TRPM5: variants seen among roughly 807,000 people sequenced by gnomAD.
The protein encoded by TRPM5 is MLSN1 and TRP-related.
Under a neutral mutation model 124.9 loss-of-function variants are expected in TRPM5, and 121 were observed. The observed-to-expected ratio is 0.97, with a 90% confidence interval of 0.84 to 1.13. TRPM5 has a LOEUF of 1.13. Among genes scored for constraint, TRPM5 ranks in the 50% most tolerant of loss-of-function variants. The pLI is 0.00. For missense variants in TRPM5, 1,643 were observed against 1,589.1 expected (o/e 1.03, Z -0.58); for synonymous variants, 781 against 700.5 (o/e 1.11, Z -1.81).
chr11:2,417,708 C>CCCCCCCCCCCCCCCCCCCCATT lies in TRPM5; in HGVS notation c.1009+18_1009+19insAATGGGGGGGGGGGGGGGGGGG. ...AGCCCCCCAATGGCGCCTGCCTTGCCCACCCTGCCCGCCCTCACCTTTCAC... is the reference window on the plus strand; with the variant it reads ...AGCCCCCCAATGGCGCCTGCCTTGCCCCCCCCCCCCCCCCCCCCCATTCACCCTGCCCGCCCTCACCTTTCAC... On this transcript the variant is annotated intron_variant, in intron 7 of 23. Coordinates refer to ENST00000155858, the Ensembl canonical transcript of TRPM5. 2.0e-6 allele frequency: 1 copy of CCCCCCCCCCCCCCCCCCCCATT among 505,092 alleles called. No homozygotes were observed. The allele number at this position is 505,092 out of a possible 1,614,324, so 31.3% of individuals were successfully genotyped here.
chr11:2,434,726 G>T, the TRPM5 span, among the ~76,000 whole-genome samples: 1 of 152,072 alleles, frequency 6.6e-6, no homozygotes, highest in African/African-American at 2.4e-5. Flanking sequence ...GACACTGTGT[G>T]TGTGTGTCTG....
intron 14 of TRPM5, 43 bp from the exon 20 acceptor site, chr11:2,413,055 C>T: frequency 6.4e-7 from 1 of 1,559,948 alleles, no homozygotes; most frequent in South Asian, 1.2e-5. Flanking sequence ...TGGCGCCCAG[C>T]CGGGTGCCCC....
chr11:2,442,145 C>G, the TRPM5 span, among the ~76,000 whole-genome samples: 1 of 152,132 alleles, frequency 6.6e-6, no homozygotes. This position sits in a 1 kb window ranked among gnomAD's most constrained non-coding sequence, Gnocchi z 5.9. Context: ...GTGTTTTCAT[C>G]CATGACTCTT....
chr11:2,405,898 C>G, intron 22 of TRPM5, 121 bp downstream of exon 27: 1 of 942,192 alleles, frequency 1.1e-6, no homozygotes, highest in Non-Finnish European at 1.6e-6. Context: ...TGGGGTGCTC[C>G]TGTCCTGGCT....
chr11:2,437,628 C>A, the TRPM5 span, among the ~76,000 whole-genome samples: 1 of 152,098 alleles, frequency 6.6e-6, no homozygotes, highest in African/African-American at 2.4e-5. This position sits in a 1 kb window ranked among gnomAD's most constrained non-coding sequence, Gnocchi z 5.6. Flanking sequence ...ACTTGGGGAC[C>A]CTCAGGACAT....
chr11:2,406,070 G>T lies in TRPM5; in HGVS notation c.3273C>A (p.Tyr1091Ter). ...TTTCTTGCTCTCTCAGACCCCCGAG[G>T]TACTTGGCAATGAAGTCCACTCTGC... The change falls in exon 22 of 24, where the codon TAC becomes TAA. Residue 1091 changes from tyrosine (Y) to a stop codon, truncating the protein, a stop_gained. Coordinates refer to ENST00000155858, the Ensembl canonical transcript of TRPM5. LOFTEE classifies it high-confidence loss of function. The T allele has an allele frequency of 1.2e-6, 2 of 1,612,172 alleles. No individual in the cohort carries two copies. Among genetic ancestry groups the T allele is most frequent in the Non-Finnish European group, 1.7e-6 (2 of 1,179,972 alleles).
At chr11:2,406,130 G>A (rs751376002) in intron 21 of TRPM5, 39 bp from the exon 27 acceptor site, 67 of 1,605,668 alleles carry the variant, frequency 4.2e-5, no homozygotes, top group Admixed American at 1.2e-4. Flanking sequence ...GGATGGCCAC[G>A]CGGTGCTCTG....
intron 18 of TRPM5, chr11:2,410,732 G>C (rs1039884449): frequency 2.2e-6 from 1 of 454,690 alleles, no homozygotes. Context: ...AGCTACAGGG[G>C]TCGGCCTGGG....
At chr11:2,422,396 A>C in intron 1 of TRPM5, 75 bp from the exon 7 acceptor site, 3 of 949,650 alleles carry the variant, frequency 3.2e-6, no homozygotes, top group Non-Finnish European at 2.9e-6. Flanking sequence ...GGGGGGCTGG[A>C]CACAAGGGGG....
chr11:2,409,468 G>T (rs188762686), intron 18 of TRPM5, among the ~76,000 whole-genome samples: 1 of 152,332 alleles, frequency 6.6e-6, no homozygotes, highest in Admixed American at 6.5e-5. Context: ...GGGGCCTGGA[G>T]ACCCAGAGAA....
Position 2,415,411 on chromosome 11 carries a change from G to T in TRPM5, c.1189C>A (p.Arg397Ser). ...TCTGCGCCGTTGTCCACAAAGAGGC[G>T]CACAAACTCGGGCTTGTTGCTGACC... The change falls in exon 9 of 24, where the codon CGC becomes AGC. Residue 397 changes from arginine to serine, a missense_variant. Physicochemically the swap from Arg to Ser is moderately radical, Grantham distance 110. Coordinates refer to ENST00000155858, the Ensembl canonical transcript of TRPM5. 2.5e-6 allele frequency: 4 copies of T among 1,593,242 alleles called. No homozygotes were observed. In the South Asian group the frequency reaches 4.4e-5, roughly 18 times the overall value.
At chr11:2,418,791 A>G (rs1024511390) in intron 4 of TRPM5, among the ~76,000 whole-genome samples, 200 bp from the exon 10 acceptor site, 9 of 152,114 alleles carry the variant, frequency 5.9e-5, no homozygotes, top group African/African-American at 1.7e-4. Flanking sequence ...GCTAACCTAC[A>G]CTACCCAGCA....
At chr11:2,414,274 T>A (rs936055773) in intron 11 of TRPM5, 68 bp from the exon 17 acceptor site, 47 of 1,527,580 alleles carry the variant, frequency 3.1e-5, no homozygotes, top group Non-Finnish European at 4.0e-5. Flanking sequence ...ACGCCCCTCC[T>A]CCATCCCCTG....
chr11:2,422,470 C>T, intron 1 of TRPM5, 149 bp from the exon 7 acceptor site: 1 of 546,344 alleles, frequency 1.8e-6, no homozygotes, highest in South Asian at 2.6e-5. Context: ...ATCAAGGGGG[C>T]TGGACACAGG....
chr11:2,407,811 AGGTGACCAGCAGGAG>A (rs1484827965), exon 19 of TRPM5: 16 of 1,613,828 alleles, frequency 9.9e-6, no homozygotes, highest in Non-Finnish European at 1.4e-5. Context: ...ACCAACAGGA[AGGTGACCAGCAGGAG>A]GATGACCAGC....
chr11:2,440,780 A>G, the TRPM5 span, among the ~76,000 whole-genome samples: 1 of 152,226 alleles, frequency 6.6e-6, no homozygotes, highest in Non-Finnish European at 1.5e-5. The surrounding 1 kb of genome is among the most constrained non-coding windows in gnomAD (Gnocchi z 5.2). Flanking sequence ...ATGAATAGGT[A>G]GGAAGACTAC....
At chr11:2,414,865 C>T (rs750805919) in intron 10 of TRPM5, 27 bp from the exon 16 acceptor site, 26 of 1,591,078 alleles carry the variant, frequency 1.6e-5, no homozygotes, top group South Asian at 2.3e-5. Flanking sequence ...CAGGAGGCCG[C>T]CCCTCCCCTG....
exon 20 of TRPM5, chr11:2,407,178 A>G (rs1850340985): frequency 1.9e-6 from 3 of 1,611,294 alleles, no homozygotes; most frequent in Non-Finnish European, 2.5e-6. Flanking sequence ...CGTCAGGCTC[A>G]GGTGGCTGAG....
the TRPM5 span, among the ~76,000 whole-genome samples, chr11:2,440,650 T>G: frequency 3.3e-5 from 5 of 152,008 alleles, no homozygotes; most frequent in South Asian, 4.2e-4. This position sits in a 1 kb window ranked among gnomAD's most constrained non-coding sequence, Gnocchi z 5.2. Flanking sequence ...GCCCCCTTCG[T>G]TTTTTTTGTC....
Sources: gnomAD v4.1 joint callset for allele counts (sites outside exome capture counted in the v4.1 genomes callset) on GRCh38, gnomAD v4.1.1 for gene constraint, Gnocchi (gnomAD v3.1) non-coding constraint, MANE v1.5 for transcripts, NCBI Gene and HGNC (gene_info 2026-07-23, HGNC 2026-07-21) for gene names.